The following ADAM19 variants were observed in gnomAD, a reference collection of about 807,000 sequenced individuals.
ADAM19 encodes ADAM metallopeptidase domain 19, also known as disintegrin and metalloproteinase domain-containing protein 19.
Under a neutral mutation model 114.7 loss-of-function variants are expected in ADAM19, and 65 were observed. The observed-to-expected ratio is 0.57, with a 90% confidence interval of 0.46 to 0.70. The LOEUF is 0.70. ADAM19 is among the 30% of genes least tolerant of loss of function. ADAM19 has a pLI of 0.00. For synonymous variants in ADAM19, 466 were observed against 460.5 expected, an observed-to-expected ratio of 1.01 and a Z score of -0.15; for missense variants, 1,063 against 1,204.7, an observed-to-expected ratio of 0.88 and a Z score of 1.74.
At chr5:157,488,092 T>C (rs1755008866) in intron 21 of ADAM19, among the ~76,000 whole-genome samples, 173 bp downstream of exon 21, 1 of 152,194 alleles carries the variant, frequency 6.6e-6, no homozygotes, top group African/African-American at 2.4e-5. Flanking sequence ...AGAGAGTCTA[T>C]TTCCCCACGT....
chr5:157,491,823 C>T lies in ADAM19; in HGVS notation c.1986+12G>A, dbSNP rs1181061885. ...TCCCCATGACACAGAGAAGCCAGAACCCAGCACGCACCCCATGGCCATTGC... is the reference window on the plus strand; with the variant it reads ...TCCCCATGACACAGAGAAGCCAGAATCCAGCACGCACCCCATGGCCATTGC... On this transcript the variant is annotated intron_variant, in intron 17 of 22. Transcript: ENST00000257527. 1.9e-6 allele frequency: 3 copies of T among 1,614,224 alleles called. No homozygotes were observed. Among genetic ancestry groups the T allele is most frequent in the Admixed American group, 1.7e-5 (1 of 60,030 alleles).
At position 157,534,135 on chromosome 5, in the gene ADAM19, A is replaced by C. The variant is rs142629706; in HGVS notation, c.331-3252T>G. Reference sequence around the variant, plus strand: ...TATAATTTACAGAGCTTTCACATACACTATCTCTTGTGATGATGACACCTA... The same window carrying C: ...TATAATTTACAGAGCTTTCACATACCCTATCTCTTGTGATGATGACACCTA... On this transcript the variant is annotated intron_variant, in intron 4 of 22. Transcript: ENST00000257527. Among the ~76,000 whole-genome samples, 353 of 152,162 alleles carry C rather than the reference A, an allele frequency of 2.3e-3. 2 individuals carry two copies. The highest frequency in any genetic ancestry group is 8.2e-3 in the African/African-American group (341 of 41,518).
intron 15 of ADAM19, 90 bp downstream of exon 15, chr5:157,494,597 C>T: frequency 2.0e-6 from 2 of 1,024,996 alleles, no homozygotes; most frequent in Non-Finnish European, 3.0e-6. Context: ...GCTCTGGGGC[C>T]AGTCACACTG....
chr5:157,479,346 G>A lies in ADAM19; in HGVS notation c.*1603C>T, dbSNP rs1227145757. On this transcript the variant is annotated 3_prime_UTR_variant, in exon 23 of 23. Transcript: ENST00000257527. ...CCTGGGGTGGTGAATCAGAAGCTCA[G>A]CCTCAGCCTTGCAGTGAGGTTTTCA... 2.0e-6 allele frequency: 2 copies of A among 985,926 alleles called. No individual in the cohort carries two copies. The highest frequency in any genetic ancestry group is 4.7e-5 in the South Asian group (1 of 21,296). 61.1% of individuals were successfully genotyped at this position (985,926 alleles called of 1,614,324 possible). A position where few individuals can be genotyped will look rare whatever the true frequency, so the allele number is the denominator to read the frequency against.
intron 3 of ADAM19, among the ~76,000 whole-genome samples, chr5:157,562,989 A>G (rs1299941864): frequency 1.3e-5 from 2 of 152,158 alleles, no homozygotes; most frequent in Non-Finnish European, 2.9e-5. Context: ...AACAGGGAAC[A>G]CTTAGACTAG....
intron 3 of ADAM19, among the ~76,000 whole-genome samples, chr5:157,561,540 AG>A (rs1255020212): frequency 6.6e-6 from 1 of 152,158 alleles, no homozygotes; most frequent in Non-Finnish European, 1.5e-5. Context: ...GGAAATGTAC[AG>A]AGGGAGAGTG....
At position 157,563,915 on chromosome 5, in the gene ADAM19, C is replaced by T. The variant is rs572185303; in HGVS notation, c.251+458G>A. On this transcript the variant is annotated intron_variant, in intron 3 of 22. Coordinates refer to ENST00000257527, the MANE Select transcript of ADAM19 (RefSeq NM_033274.5). ...TGCCCTGTTGACAAAATCTCAGATG[C>T]GGCTGAACCAGAACACATGGAACAA... Among the ~76,000 whole-genome samples the T allele has an allele frequency of 5.3e-5, 8 of 152,300 alleles. No individual in the cohort carries two copies. In the East Asian group the frequency reaches 1.2e-3, roughly 22 times the overall value.
At chr5:157,535,486 G>C (rs1373612486) in intron 4 of ADAM19, among the ~76,000 whole-genome samples, 1 of 152,222 alleles carries the variant, frequency 6.6e-6, no homozygotes, top group Non-Finnish European at 1.5e-5. Flanking sequence ...GTCTGACTGA[G>C]AACCCCATGG....
chr5:157,479,427 G>C lies in ADAM19; in HGVS notation c.*1522C>G. 2.0e-6 allele frequency: 2 copies of C among 986,054 alleles called. No homozygotes were observed. The highest frequency in any genetic ancestry group is 2.4e-6 in the Non-Finnish European group (2 of 830,106). 61.1% of individuals were successfully genotyped at this position (986,054 alleles called of 1,614,324 possible). On this transcript the variant is annotated 3_prime_UTR_variant, in exon 23 of 23. Coordinates refer to ENST00000257527, the MANE Select transcript of ADAM19 (RefSeq NM_033274.5). ...AGGAGGCCCCAGGAAAGCCTCAGAG[G>C]AGTGAGAGTCAGGCCAGCTCCTGTC...
At position 157,480,173 on chromosome 5, in the gene ADAM19, A is replaced by G. The variant is rs1440644268; in HGVS notation, c.*776T>C. 2.0e-6 allele frequency: 2 copies of G among 986,226 alleles called. No individual in the cohort carries two copies. The highest frequency in any genetic ancestry group is 1.7e-5 in the African/African-American group (1 of 57,390). The allele number at this position is 986,226 out of a possible 1,614,324, so 61.1% of individuals were successfully genotyped here. A position where few individuals can be genotyped will look rare whatever the true frequency, so the allele number is the denominator to read the frequency against. ...AGAGAGAAAAGCGTGGGGCACCAGGAAAGTGCGGCAGAGAAAACAAAGAGC... is the reference window on the plus strand; with the variant it reads ...AGAGAGAAAAGCGTGGGGCACCAGGGAAGTGCGGCAGAGAAAACAAAGAGC... On this transcript the variant is annotated 3_prime_UTR_variant, in exon 23 of 23. Coordinates refer to ENST00000257527, the MANE Select transcript of ADAM19 (RefSeq NM_033274.5).
At chr5:157,547,027 GGAGAAAACA>G (rs1427701831) in intron 3 of ADAM19, among the ~76,000 whole-genome samples, 1 of 152,198 alleles carries the variant, frequency 6.6e-6, no homozygotes. Flanking sequence ...TAGATAAGGA[GGAGAAAACA>G]GAGAAAACCA....
chr5:157,503,040 G>A (rs1320522490), intron 11 of ADAM19, 60 bp from the exon 12 acceptor site: 1 of 1,529,332 alleles, frequency 6.5e-7, no homozygotes, highest in Non-Finnish European at 9.0e-7. Flanking sequence ...TCAGGCAGGT[G>A]TCACTCGTGC....
chr5:157,509,443 T>A lies in ADAM19; in HGVS notation c.763A>T (p.Ile255Phe). 6.2e-7 allele frequency: 1 copy of A among 1,603,902 alleles called. No individual in the cohort carries two copies. The highest frequency in any genetic ancestry group is 8.5e-7 in the Non-Finnish European group (1 of 1,174,264). The change falls in exon 9 of 23, where the codon ATT (isoleucine) becomes TTT (phenylalanine). Residue 255 changes from isoleucine (I) to phenylalanine (F), a missense_variant. Ile to Phe is a conservative substitution (Grantham distance 21). This residue lies in a region of ADAM19 where 615 missense variants were observed against 706.3 expected (regional missense o/e 0.87). Transcript: ENST00000257527. ...CACACTTCCAAGCCCACGAGAGCAA[T>A]CCGGATGTTCAAGGATCGGTAAAAC... ...DKFYRSLNIR[I>F]ALVGLEVWTH...
intron 4 of ADAM19, among the ~76,000 whole-genome samples, chr5:157,535,737 C>T (rs944317125): frequency 1.3e-5 from 2 of 152,266 alleles, no homozygotes; most frequent in Non-Finnish European, 2.9e-5. Flanking sequence ...GAAGTCATTG[C>T]ATTCCTCAGC....
intron 18 of ADAM19, among the ~76,000 whole-genome samples, chr5:157,491,245 G>A (rs543794438): frequency 3.3e-5 from 5 of 152,178 alleles, no homozygotes; most frequent in African/African-American, 1.2e-4. Flanking sequence ...GTGTCCATCA[G>A]AGGAAATCTA....
chr5:157,494,993 CT>C (rs896717013), intron 14 of ADAM19, among the ~76,000 whole-genome samples, 198 bp from the exon 15 acceptor site: 81 of 149,162 alleles, frequency 5.4e-4, no homozygotes, highest in African/African-American at 1.5e-3. Context: ...TATATAAATC[CT>C]TTTTTTTTTC....
At position 157,478,601 on chromosome 5, in the gene ADAM19, G is replaced by T; in HGVS notation, c.*2348C>A. ...ATACTGGGCACTGGAAAGAAAAGGG[G>T]ATGCATAATGGCCAGTCTTCCTCCT... On this transcript the variant is annotated 3_prime_UTR_variant, in exon 23 of 23. Coordinates refer to ENST00000257527, the MANE Select transcript of ADAM19 (RefSeq NM_033274.5). The T allele has an allele frequency of 5.1e-6, 5 of 985,778 alleles. No individual in the cohort carries two copies. In the South Asian group the frequency reaches 1.9e-4, roughly 37 times the overall value. 61.1% of individuals were successfully genotyped at this position (985,778 alleles called of 1,614,324 possible).
chr5:157,521,821 C>T (rs1485965317), intron 5 of ADAM19, among the ~76,000 whole-genome samples: 1 of 152,224 alleles, frequency 6.6e-6, no homozygotes, highest in Non-Finnish European at 1.5e-5. Flanking sequence ...TTCATCTCAG[C>T]CAACCAAGGC....
chr5:157,516,803 C>T (rs1756103431), intron 7 of ADAM19, among the ~76,000 whole-genome samples: 1 of 152,128 alleles, frequency 6.6e-6, no homozygotes, highest in African/African-American at 2.4e-5. Context: ...GCAGGGCAGG[C>T]CAGAGTCAGT....
Sources: gnomAD v4.1 joint callset for allele counts (sites outside exome capture counted in the v4.1 genomes callset) on GRCh38, gnomAD v4.1.1 for gene constraint, gnomAD v4.1.1 regional missense constraint, MANE v1.5 for transcripts, NCBI Gene and HGNC (gene_info 2026-07-23, HGNC 2026-07-21) for gene names.